The following TCF12 variants were observed in gnomAD, a reference collection of about 807,000 sequenced individuals.
TCF12 encodes DNA-binding protein HTF4.
A neutral mutation model predicts 86.0 loss-of-function variants in TCF12; 45 were observed. The observed-to-expected ratio is 0.52, with a 90% CI of 0.41 to 0.67. The LOEUF is 0.67. TCF12 is among the 30% of genes least tolerant of loss of function. The pLI is 0.00. For synonymous variants in TCF12, 330 were observed against 299.6 expected, an observed-to-expected ratio of 1.10 and a Z score of -1.05; for missense variants, 881 against 859.9, an observed-to-expected ratio of 1.02 and a Z score of -0.31.
At chr15:57,065,334 G>A (rs1370774755) in intron 4 of TCF12, among the ~76,000 whole-genome samples, 18 of 152,122 alleles carry the variant, frequency 1.2e-4, no homozygotes, top group Admixed American at 6.5e-4. Flanking sequence ...AATCTTGGAC[G>A]CATTGTTTTT....
intron 5 of TCF12, among the ~76,000 whole-genome samples, chr15:57,104,367 A>G (rs1187566771): frequency 2.0e-5 from 3 of 151,986 alleles, no homozygotes; most frequent in East Asian, 1.9e-4. Flanking sequence ...AGTTGTAGCA[A>G]TATACTAAGC....
chr15:57,287,581 A>T lies in TCF12; in HGVS notation c.*1436A>T, dbSNP rs2061973649. 1 of 152,640 alleles carries T rather than the reference A, an allele frequency of 6.6e-6. No individual in the cohort carries two copies. The highest frequency in any genetic ancestry group is 1.5e-5 in the Non-Finnish European group (1 of 68,044). The allele number at this position is 152,640 out of a possible 1,614,324, so 9.5% of individuals were successfully genotyped here. ...TCCATGAAACCTGTCTTCCACCACA[A>T]CAACCCTGGGAGAGAAAAACATGCT... On this transcript the variant is annotated 3_prime_UTR_variant, in exon 21 of 21. Transcript: ENST00000333725.
In TCF12 at chr15:57,171,955, A is replaced by G. The variant is rs1597046425; in HGVS notation, c.390+5489A>G. The stretch of plus-strand genomic sequence containing the variant: ...AGTTTTTCTCTAAGTGTTTAAATGT[A>G]GAAGGTGGCAGGGTCTTGGTTTTTT... On this transcript the variant is annotated intron_variant, in intron 6 of 20. Transcript: ENST00000333725. 3.3e-5 allele frequency among the ~76,000 whole-genome samples: 5 copies of G among 152,300 alleles called. 1 individual carries two copies. The Middle Eastern group carries it at 0.017, about 518-fold the overall frequency.
intron 3 of TCF12, among the ~76,000 whole-genome samples, chr15:57,052,300 T>G (rs1395424199): frequency 6.6e-6 from 1 of 152,102 alleles, no homozygotes; most frequent in Non-Finnish European, 1.5e-5. Flanking sequence ...TGCCTTGCAA[T>G]GTCATGCCCT....
upstream of TCF12, chr15:56,918,225 A>G: frequency 2.2e-6 from 1 of 456,244 alleles, no homozygotes. Context: ...GGCAGCCTTC[A>G]GTGTCCTGCG....
At chr15:57,227,465 A>G (rs2058944099) in intron 8 of TCF12, among the ~76,000 whole-genome samples, 1 of 152,142 alleles carries the variant, frequency 6.6e-6, no homozygotes, top group Non-Finnish European at 1.5e-5. Context: ...TGTTGTATGA[A>G]CTAAAACATT....
At chr15:56,932,033 A>C (rs1409250278) in intron 3 of TCF12, among the ~76,000 whole-genome samples, 2 of 152,218 alleles carry the variant, frequency 1.3e-5, no homozygotes, top group African/African-American at 4.8e-5. Context: ...TCATATTTGT[A>C]TAATCCCTCT....
chr15:57,006,344 A>C (rs2064370679), intron 3 of TCF12, among the ~76,000 whole-genome samples: 1 of 151,822 alleles, frequency 6.6e-6, no homozygotes, highest in South Asian at 2.1e-4. Context: ...CGCTCTTGTC[A>C]CCCAGGCTGG....
intron 3 of TCF12, among the ~76,000 whole-genome samples, chr15:57,002,356 C>T (rs1160645359): frequency 2.0e-5 from 3 of 152,152 alleles, no homozygotes; most frequent in Admixed American, 6.5e-5. Context: ...AAAAAGCCTC[C>T]GTGTTTCCTC....
At chr15:57,075,577 G>C (rs1321619318) in intron 4 of TCF12, among the ~76,000 whole-genome samples, 1 of 152,022 alleles carries the variant, frequency 6.6e-6, no homozygotes, top group Non-Finnish European at 1.5e-5. Context: ...CTAGGGGAGA[G>C]TAAAAGTCCA....
intron 6 of TCF12, among the ~76,000 whole-genome samples, chr15:57,170,804 AATTTT>A (rs1567560350): frequency 6.9e-5 from 1 of 14,496 alleles, no homozygotes; most frequent in African/African-American, 2.6e-4. Context: ...ATATATATAT[AATTTT>A]TTTTTTTTTT....
intron 3 of TCF12, among the ~76,000 whole-genome samples, chr15:57,017,726 C>CTTTTTT (rs34230192): frequency 2.8e-4 from 36 of 130,442 alleles, no homozygotes; most frequent in Non-Finnish European, 4.8e-4. Context: ...AATTTTCTTT[C>CTTTTTT]TTTTTTTTTT....
chr15:57,150,618 G>C (rs757016939), intron 5 of TCF12, among the ~76,000 whole-genome samples: 1 of 151,952 alleles, frequency 6.6e-6, no homozygotes, highest in Non-Finnish European at 1.5e-5. Context: ...AAAATTACTA[G>C]CATGAAAAGA....
intron 5 of TCF12, among the ~76,000 whole-genome samples, chr15:57,144,759 C>T (rs930590480): frequency 5.3e-5 from 8 of 152,096 alleles, no homozygotes; most frequent in African/African-American, 1.9e-4. Context: ...TCATCATGCC[C>T]AGCTAACTTT....
rs200443307 is a variant in TCF12 at position 56,946,416 on chromosome 15, T to C, written c.148+25318T>C. On this transcript the variant is annotated intron_variant, in intron 3 of 20. Transcript: ENST00000333725. Reference sequence around the variant, plus strand: ...CTTTTCATTTCACAGAGTGTATTTTTTTATTTCTAGAAACTCTTTTGTTTT... The same window carrying C: ...CTTTTCATTTCACAGAGTGTATTTTCTTATTTCTAGAAACTCTTTTGTTTT... Among the ~76,000 whole-genome samples the C allele has an allele frequency of 2.0e-4, 30 of 152,320 alleles. No homozygotes were observed. The East Asian group carries it at 4.8e-3, about 24-fold the overall frequency.
chr15:57,016,056 T>A (rs1406392813), intron 3 of TCF12, among the ~76,000 whole-genome samples: 2 of 152,198 alleles, frequency 1.3e-5, no homozygotes, highest in Non-Finnish European at 2.9e-5. Context: ...CTTGGGGGAA[T>A]TTCCTGGAGG....
At chr15:56,958,684 T>A (rs568505011) in intron 3 of TCF12, among the ~76,000 whole-genome samples, 3,400 of 41,860 alleles carry the variant, frequency 0.081, 56 homozygotes, top group Non-Finnish European at 0.26. Context: ...AGAGAGTGTG[T>A]GTGTGTGTGT....
At chr15:56,937,090 C>T (rs777420176) in intron 3 of TCF12, among the ~76,000 whole-genome samples, 2 of 152,090 alleles carry the variant, frequency 1.3e-5, no homozygotes, top group Non-Finnish European at 2.9e-5. Context: ...ATTGATTCTG[C>T]CATGATTCAT....
intron 4 of TCF12, among the ~76,000 whole-genome samples, chr15:57,079,704 A>C (rs1343609440): frequency 2.0e-5 from 3 of 152,154 alleles, no homozygotes; most frequent in African/African-American, 7.2e-5. Flanking sequence ...TTAGAGAAGG[A>C]AATGCCTTTA....
Sources: gnomAD v4.1 joint callset for allele counts (sites outside exome capture counted in the v4.1 genomes callset) on GRCh38, gnomAD v4.1.1 for gene constraint, MANE v1.5 for transcripts, NCBI Gene and HGNC (gene_info 2026-07-23, HGNC 2026-07-21) for gene names.